The following DOCK9 variants were observed in gnomAD, a reference collection of about 807,000 sequenced individuals.
DOCK9 encodes dedicator of cytokinesis 9.
Under a neutral mutation model 263.3 loss-of-function variants are expected in DOCK9, and 89 were observed. That is an observed-to-expected ratio of 0.34 (90% CI 0.28 to 0.40). The LOEUF is 0.40. Among genes scored for constraint, DOCK9 ranks in the 10% least tolerant of loss-of-function variants. DOCK9 has a pLI of 1.00. For missense variants in DOCK9, 2,140 were observed against 2,603.4 expected (o/e 0.82, Z 3.87); for synonymous variants, 976 against 973.1 (o/e 1.00, Z -0.06).
intron 1 of DOCK9, among the ~76,000 whole-genome samples, chr13:99,067,920 T>C (rs1473327236): frequency 1.3e-5 from 2 of 148,172 alleles, no homozygotes; most frequent in East Asian, 4.1e-4. Flanking sequence ...GGAAAAAACA[T>C]CTGTAGTTCC....
intron 1 of DOCK9, among the ~76,000 whole-genome samples, chr13:99,036,540 T>TTTTTG (rs755030576): frequency 6.6e-6 from 1 of 151,956 alleles, no homozygotes; most frequent in Non-Finnish European, 1.5e-5. Flanking sequence ...GGTTGTTGGT[T>TTTTTG]TTTTGTTTTG....
At chr13:98,862,239 G>T (rs2093894064) in intron 32 of DOCK9, among the ~76,000 whole-genome samples, 1 of 152,124 alleles carries the variant, frequency 6.6e-6, no homozygotes, top group South Asian at 2.1e-4. Flanking sequence ...TGTGTGTACT[G>T]GGTTGAATAG....
In DOCK9 at chr13:98,978,040, C is replaced by G; in HGVS notation, c.-131G>C. The G allele has an allele frequency of 6.9e-7, 1 of 1,445,188 alleles. No individual in the cohort carries two copies. The highest frequency in any genetic ancestry group is 9.1e-7 in the Non-Finnish European group (1 of 1,103,742). The allele number at this position is 1,445,188 out of a possible 1,614,324, so 89.5% of individuals were successfully genotyped here. A position where few individuals can be genotyped will look rare whatever the true frequency, so the allele number is the denominator to read the frequency against. ...GGCTTCCCAGGCACAAGTGGTCAGC[C>G]CCGCTGGCTGGGTCTGCAGAGCCTG... On this transcript the variant is annotated 5_prime_UTR_variant, in exon 1 of 53. Coordinates refer to ENST00000682017, the MANE Select transcript of DOCK9 (RefSeq NM_001366683.2).
At chr13:98,985,607 T>A (rs938401309) in intron 1 of DOCK9, among the ~76,000 whole-genome samples, 1 of 152,252 alleles carries the variant, frequency 6.6e-6, no homozygotes, top group Non-Finnish European at 1.5e-5. Context: ...TTTATTTTGA[T>A]CGTGATAACA....
At chr13:99,078,602 G>A (rs1400683280) in intron 1 of DOCK9, among the ~76,000 whole-genome samples, 1 of 152,158 alleles carries the variant, frequency 6.6e-6, no homozygotes, top group Non-Finnish European at 1.5e-5. Flanking sequence ...GAAGCCCCAG[G>A]CCAGGGAATA....
intron 18 of DOCK9, among the ~76,000 whole-genome samples, chr13:98,887,922 A>AT (rs2046037112): frequency 6.6e-6 from 1 of 152,276 alleles, no homozygotes; most frequent in South Asian, 2.1e-4. Context: ...TTGAGTGTGT[A>AT]TAAGAAACTC....
intron 1 of DOCK9, among the ~76,000 whole-genome samples, chr13:99,082,254 A>G (rs2042149440): frequency 6.6e-6 from 1 of 151,570 alleles, no homozygotes; most frequent in Non-Finnish European, 1.5e-5. Context: ...GCAGTGGCTC[A>G]CCCCTGTAAT....
At chr13:99,062,444 G>C (rs977691590) in intron 1 of DOCK9, among the ~76,000 whole-genome samples, 2 of 152,150 alleles carry the variant, frequency 1.3e-5, no homozygotes, top group African/African-American at 4.8e-5. Context: ...TCTCTGGTCT[G>C]ACAAGTTTTT....
intron 27 of DOCK9, among the ~76,000 whole-genome samples, chr13:98,877,961 G>A (rs114839796): frequency 1.6e-3 from 238 of 152,270 alleles, no homozygotes; most frequent in African/African-American, 5.4e-3. Context: ...TGCCCCCCTC[G>A]AATTCATATG....
intron 38 of DOCK9, among the ~76,000 whole-genome samples, chr13:98,843,418 G>C (rs1462187981): frequency 6.6e-6 from 1 of 152,144 alleles, no homozygotes; most frequent in Non-Finnish European, 1.5e-5. Flanking sequence ...TCCCTTCTCT[G>C]TGTTTTTTGT....
Position 98,829,372 on chromosome 13 carries a change from C to T in DOCK9, c.4900G>A (p.Glu1634Lys). 6.2e-7 allele frequency: 1 copy of T among 1,613,662 alleles called. No individual in the cohort carries two copies. Among genetic ancestry groups the T allele is most frequent in the Middle Eastern group, 1.6e-4 (1 of 6,062 alleles). Residue 1634 changes from glutamate (E) to lysine (K), a missense_variant, in exon 43 of 53, where the codon GAG (glutamate) becomes AAG (lysine). Coordinates refer to ENST00000682017, the MANE Select transcript of DOCK9 (RefSeq NM_001366683.2). This position sits in a 1 kb window ranked among gnomAD's most constrained non-coding sequence, Gnocchi z 4.1. Reference protein sequence around the residue: ...SLAKSYASTPELRKTWLDSMA... With the variant: ...SLAKSYASTPKLRKTWLDSMA... ...CTGTCGAGCCACGTCTTCCTGAGCT[C>T]GGGCGTGCTGGCATAGGATTTGGCC...
intron 15 of DOCK9, among the ~76,000 whole-genome samples, chr13:98,895,134 G>A (rs1307402810): frequency 1.7e-5 from 2 of 119,056 alleles, no homozygotes; most frequent in African/African-American, 6.4e-5. Flanking sequence ...GACAGAGCGA[G>A]ACTCCATCTC....
At chr13:99,021,594 G>A (rs1338790854) in intron 1 of DOCK9, among the ~76,000 whole-genome samples, 4 of 145,870 alleles carry the variant, frequency 2.7e-5, no homozygotes, top group East Asian at 2.0e-4. Context: ...AGCCGAGATC[G>A]CGCTACTGCA....
chr13:98,942,000 G>A (rs142261963), intron 2 of DOCK9, among the ~76,000 whole-genome samples: 3 of 152,208 alleles, frequency 2.0e-5, no homozygotes, highest in African/African-American at 4.8e-5. Flanking sequence ...GTTTTAGGAA[G>A]GTTTATCACT....
chr13:98,990,819 T>C (rs1327611478), intron 1 of DOCK9, among the ~76,000 whole-genome samples: 1 of 152,178 alleles, frequency 6.6e-6, no homozygotes, highest in Non-Finnish European at 1.5e-5. Flanking sequence ...CCAGCACTTA[T>C]CACAAAAGAG....
rs966731268 is a variant in DOCK9, at chr13:98,915,239, G to A, written c.892+90C>T. On this transcript the variant is annotated intron_variant, in intron 8 of 52. Coordinates refer to ENST00000682017, the MANE Select transcript of DOCK9 (RefSeq NM_001366683.2). ...TCCGTCCCACCTCTCATGTACTTGT[G>A]TAACACAGGTCTCCTTCTTATACCC... The A allele has an allele frequency of 4.6e-6, 6 of 1,315,428 alleles. No individual in the cohort carries two copies. In the East Asian group the frequency reaches 1.4e-4, roughly 31 times the overall value. The allele number at this position is 1,315,428 out of a possible 1,614,324, so 81.5% of individuals were successfully genotyped here. A position where few individuals can be genotyped will look rare whatever the true frequency, so the allele number is the denominator to read the frequency against.
rs372637361 is a variant in DOCK9 at position 99,023,598 on chromosome 13, T to C, written c.129+62625A>G. Among the ~76,000 whole-genome samples the C allele has an allele frequency of 1.6e-3, 248 of 152,352 alleles. 9 individuals carry two copies. The South Asian group carries it at 0.048, about 30-fold the overall frequency. The stretch of plus-strand genomic sequence containing the variant: ...ATGTGAATGTACCGAGTATCACTGA[T>C]GTGTACACTTAAAAATAGTTAAGGT... On this transcript the variant is annotated intron_variant, in intron 1 of 32. Coordinates refer to the DOCK9 transcript ENST00000427887.
intron 27 of DOCK9, among the ~76,000 whole-genome samples, chr13:98,872,385 A>C (rs2094210209): frequency 6.7e-6 from 1 of 149,928 alleles, no homozygotes; most frequent in Non-Finnish European, 1.5e-5. Flanking sequence ...TTTCTTCTAC[A>C]ACTTGGTTTT....
At chr13:99,055,839 T>A (rs1871731554) in intron 1 of DOCK9, among the ~76,000 whole-genome samples, 1 of 151,822 alleles carries the variant, frequency 6.6e-6, no homozygotes, top group Admixed American at 6.6e-5. Context: ...TTTTAACATA[T>A]ACTAGCTGTC....
Sources: allele counts gnomAD v4.1 joint callset (sites outside exome capture counted in the v4.1 genomes callset), GRCh38; gene constraint gnomAD v4.1.1; non-coding constraint Gnocchi (gnomAD v3.1); transcripts MANE v1.5; gene names NCBI Gene and HGNC (gene_info 2026-07-23, HGNC 2026-07-21).